The following CDCA7L variants were observed in gnomAD, a reference collection of about 807,000 sequenced individuals.
The protein encoded by CDCA7L is cell division cycle-associated 7-like protein.
Under a neutral mutation model 57.4 loss-of-function variants are expected in CDCA7L, and 44 were observed. That is an observed-to-expected ratio of 0.77 (90% CI 0.60 to 0.98). The LOEUF (loss-of-function observed/expected upper bound fraction) is 0.98. Ranked by LOEUF, CDCA7L falls within the 50% of genes least tolerant of loss-of-function variation. The pLI is 0.00. For missense variants in CDCA7L, 644 were observed against 580.6 expected, an observed-to-expected ratio of 1.11 and a Z score of -1.12; for synonymous variants, 236 against 202.8, an observed-to-expected ratio of 1.16 and a Z score of -1.39.
At chr7:21,910,852 A>G (rs745936937) in intron 3 of CDCA7L, among the ~76,000 whole-genome samples, 3 of 152,142 alleles carry the variant, frequency 2.0e-5, no homozygotes, top group Non-Finnish European at 4.4e-5. Context: ...TCCACAATGC[A>G]TGGGGAACAC....
intron 1 of CDCA7L, among the ~76,000 whole-genome samples, chr7:21,928,050 C>A (rs1028971819): frequency 2.0e-5 from 3 of 152,196 alleles, no homozygotes; most frequent in Admixed American, 6.5e-5. Context: ...TCAACAGACA[C>A]CTCATACAGG....
intron 1 of CDCA7L, among the ~76,000 whole-genome samples, chr7:21,926,777 G>A (rs1380237358): frequency 1.3e-5 from 2 of 152,176 alleles, no homozygotes; most frequent in African/African-American, 4.8e-5. Flanking sequence ...GGAGCCTGAG[G>A]CAAAAGGAGC....
chr7:21,938,377 T>C (rs1306670020), intron 1 of CDCA7L, among the ~76,000 whole-genome samples: 1 of 150,830 alleles, frequency 6.6e-6, no homozygotes, highest in Non-Finnish European at 1.5e-5. Context: ...GAATGGCCAT[T>C]AAAAAAAAAT....
At position 21,905,541 on chromosome 7, in the gene CDCA7L, T is replaced by C. The variant is rs751210112; in HGVS notation, c.1012A>G (p.Ile338Val). ...ITEEDLENVA[I>V]TVRDKIYDKV... ...TCATAGATTTTATCTCGAACAGTTA[T>C]GGCAACATTTTCTAAGTCCTCTTCG... The change falls in exon 7 of 10, where the codon ATA becomes GTA. Residue 338 changes from isoleucine (I) to valine (V), a missense_variant. Physicochemically the swap from Ile to Val is conservative, Grantham distance 29. Transcript: ENST00000406877. 6.2e-6 allele frequency: 10 copies of C among 1,614,028 alleles called. No homozygotes were observed. The highest frequency in any genetic ancestry group is 3.3e-5 in the South Asian group (3 of 91,086).
chr7:21,912,393 G>A (rs1428476686), intron 2 of CDCA7L, among the ~76,000 whole-genome samples: 1 of 152,156 alleles, frequency 6.6e-6, no homozygotes, highest in Non-Finnish European at 1.5e-5. Context: ...TAAAAATTGG[G>A]TGTAGTCTCA....
At chr7:21,936,503 A>G (rs756903215) in intron 1 of CDCA7L, among the ~76,000 whole-genome samples, 1 of 152,248 alleles carries the variant, frequency 6.6e-6, no homozygotes, top group Non-Finnish European at 1.5e-5. Flanking sequence ...CTAGGAATGC[A>G]AAATGGTTCA....
intron 1 of CDCA7L, among the ~76,000 whole-genome samples, chr7:21,921,295 A>G (rs1785643059): frequency 6.8e-6 from 1 of 146,904 alleles, no homozygotes; most frequent in African/African-American, 2.5e-5. Context: ...CTGATCCTTC[A>G]AAAGGTATTA....
intron 3 of CDCA7L, among the ~76,000 whole-genome samples, chr7:21,911,206 T>C (rs549204125): frequency 2.5e-4 from 38 of 151,724 alleles, no homozygotes; most frequent in African/African-American, 8.7e-4. Flanking sequence ...ATTTTTGTAT[T>C]TTGAGGAGAG....
At chr7:21,934,357 T>C (rs1352125263) in intron 1 of CDCA7L, among the ~76,000 whole-genome samples, 2 of 152,098 alleles carry the variant, frequency 1.3e-5, no homozygotes, top group Admixed American at 6.5e-5. Context: ...CAAACCAGAT[T>C]GCTATAACTT....
chr7:21,903,990 G>T, intron 8 of CDCA7L, 120 bp downstream of exon 8: 1 of 918,684 alleles, frequency 1.1e-6, no homozygotes, highest in Non-Finnish European at 1.5e-6. Context: ...AGATACAAAT[G>T]GAAGGGAAAA....
At position 21,906,325 on chromosome 7, in the gene CDCA7L, T is replaced by C; in HGVS notation, c.885A>G (p.Glu295=). 6.2e-7 allele frequency: 1 copy of C among 1,608,084 alleles called. No individual in the cohort carries two copies. The highest frequency in any genetic ancestry group is 8.5e-7 in the Non-Finnish European group (1 of 1,178,018). Residue 295 remains glutamate, a synonymous_variant, in exon 6 of 10, where the codon GAA becomes GAG. Coordinates refer to ENST00000406877, the MANE Select transcript of CDCA7L (RefSeq NM_018719.5). The stretch of plus-strand genomic sequence containing the variant: ...TCCTTCTTCGGAAGCTGTAAAACTC[T>C]TCCGCAAATTTAGCGGCTGAGACAG... ...NFTVSAAKFA[E]EFYSFRRRKT...
chr7:21,929,100 C>T lies in CDCA7L; in HGVS notation c.25-12206G>A, dbSNP rs1049504573. Among the ~76,000 whole-genome samples the T allele has an allele frequency of 6.6e-5, 10 of 152,130 alleles. No individual in the cohort carries two copies. In the South Asian group the frequency reaches 1.2e-3, roughly 19 times the overall value. On this transcript the variant is annotated intron_variant, in intron 1 of 9. Transcript: ENST00000406877. ...AAAGGGAAGCCCATCAGACTAACAG[C>T]GGATCTCTAGGCAGAAACCCTACAA...
intron 1 of CDCA7L, among the ~76,000 whole-genome samples, chr7:21,942,597 C>T (rs530313336): frequency 1.3e-5 from 2 of 152,142 alleles, no homozygotes; most frequent in Admixed American, 6.5e-5. Flanking sequence ...TATTCTATTC[C>T]AATGATGTTC....
intron 1 of CDCA7L, among the ~76,000 whole-genome samples, chr7:21,933,020 C>A (rs1364660112): frequency 3.3e-5 from 5 of 151,232 alleles, no homozygotes; most frequent in African/African-American, 1.2e-4. Context: ...CAAAAGAAGA[C>A]ATTTATACTG....
At chr7:21,902,490 T>TGCATCAATATCCGTATACCCTCTGG (rs1784948137) in intron 9 of CDCA7L, 138 bp from the exon 10 acceptor site, 3 of 815,556 alleles carry the variant, frequency 3.7e-6, no homozygotes, top group Non-Finnish European at 6.3e-6. Flanking sequence ...TGACAATTTA[T>TGCATCAATATCCGTATACCCTCTGG]GCATCAATAT....
intron 2 of CDCA7L, 127 bp from the exon 3 acceptor site, chr7:21,911,881 A>G: frequency 1.4e-6 from 1 of 729,530 alleles, no homozygotes; most frequent in Non-Finnish European, 2.2e-6. Context: ...GATGGACAAC[A>G]ATGTGAATGT....
Position 21,901,123 on chromosome 7 carries a change from C to CAGACCTACGA in CDCA7L, c.*1189_*1198dup. 6.2e-7 allele frequency: 1 copy of CAGACCTACGA among 1,613,932 alleles called. No individual in the cohort carries two copies. The highest frequency in any genetic ancestry group is 1.1e-5 in the South Asian group (1 of 91,084). On this transcript the variant is annotated 3_prime_UTR_variant, in exon 10 of 10. Coordinates refer to ENST00000406877, the MANE Select transcript of CDCA7L (RefSeq NM_018719.5). ...CCCCGTGGACAGACAAGAAACCAAA[C>CAGACCTACGA]AGACCTACGAGTGCCCTGTGTATAG...
intron 9 of CDCA7L, chr7:21,902,555 T>G: frequency 1.9e-6 from 1 of 530,234 alleles, no homozygotes; most frequent in Non-Finnish European, 3.3e-6. Flanking sequence ...ACTCCCGCAT[T>G]CCAGAACCAC....
intron 1 of CDCA7L, among the ~76,000 whole-genome samples, chr7:21,941,813 T>A (rs189500209): frequency 3.2e-4 from 48 of 152,314 alleles, no homozygotes; most frequent in South Asian, 6.2e-4. Flanking sequence ...ACAGTGGGGA[T>A]TAAATCTGAT....
Sources: gnomAD v4.1 joint callset for allele counts (sites outside exome capture counted in the v4.1 genomes callset) on GRCh38, gnomAD v4.1.1 for gene constraint, MANE v1.5 for transcripts, NCBI Gene and HGNC (gene_info 2026-07-23, HGNC 2026-07-21) for gene names.